PCDH10: variants seen among roughly 807,000 people sequenced by gnomAD.
The protein encoded by PCDH10 is protocadherin-10.
A neutral mutation model predicts 74.4 loss-of-function variants in PCDH10; 15 were observed. The ratio of observed to expected loss-of-function variants is 0.20; its 90% CI spans 0.13 to 0.31. The LOEUF is 0.31. Ranked by LOEUF, PCDH10 falls within the 10% of genes least tolerant of loss-of-function variation. The probability of loss-of-function intolerance (pLI) is 1.00; values close to 1 mark genes in which losing one functional copy is unlikely to be tolerated. For missense variants in PCDH10, 1,260 were observed against 1,390.2 expected, an observed-to-expected ratio of 0.91 and a Z score of 1.49; for synonymous variants, 619 against 589.8, an observed-to-expected ratio of 1.05 and a Z score of -0.72.
chr4:133,165,780 C>T (rs1026225731), intron 4 of PCDH10, among the ~76,000 whole-genome samples: 67 of 151,614 alleles, frequency 4.4e-4, no homozygotes, highest in Middle Eastern at 3.4e-3. Context: ...AAGGAAATGA[C>T]GATATGCTTA....
At chr4:133,195,576 G>A, downstream of PCDH10, among the ~76,000 whole-genome samples, 1 of 151,870 alleles carries the variant, frequency 6.6e-6, no homozygotes, top group East Asian at 1.9e-4. Flanking sequence ...CATATACTGA[G>A]GTCTAACAGT....
chr4:133,172,510 C>T (rs1727222814), intron 4 of PCDH10, among the ~76,000 whole-genome samples: 3 of 151,780 alleles, frequency 2.0e-5, no homozygotes, highest in African/African-American at 7.3e-5. Flanking sequence ...AAAATGAGTA[C>T]ACCTGTATAG....
intron 3 of PCDH10, among the ~76,000 whole-genome samples, chr4:133,161,344 T>G (rs370962697): frequency 1.3e-5 from 2 of 152,216 alleles, no homozygotes; most frequent in South Asian, 2.1e-4. Flanking sequence ...TTTTTAAAAT[T>G]TATGTAATTT....
intron 1 of PCDH10, 68 bp downstream of exon 1, chr4:133,152,839 CT>C: frequency 1.9e-6 from 3 of 1,599,388 alleles, no homozygotes; most frequent in Non-Finnish European, 2.6e-6. Flanking sequence ...TAGCCCGGCC[CT>C]TGTATCTCTG....
rs147051817 is a variant in PCDH10 at position 133,151,666 on chromosome 4, G to A, written c.1526G>A (p.Gly509Asp). The change falls in exon 1 of 5, where the codon GGC becomes GAC. Residue 509 changes from glycine to aspartate, a missense_variant. Physicochemically the swap from Gly to Asp is moderately conservative, Grantham distance 94. Around this residue, in one of 11 missense-constraint regions of PCDH10, gnomAD observed 587 missense variants for 616.9 expected, o/e 0.95. Coordinates refer to ENST00000264360, the MANE Select transcript of PCDH10 (RefSeq NM_032961.3). ...AYSILECQIQ[G>D]MSVFTYVSIN... ...TCTATCCTCGAGTGCCAGATCCAGGGCATGAGCGTCTTCACCTACGTTTCT... is the reference window on the plus strand; with the variant it reads ...TCTATCCTCGAGTGCCAGATCCAGGACATGAGCGTCTTCACCTACGTTTCT... 36 of 1,613,602 alleles carry A rather than the reference G, an allele frequency of 2.2e-5. No individual in the cohort carries two copies. Among genetic ancestry groups the A allele is most frequent in the Non-Finnish European group, 2.8e-5 (33 of 1,180,060 alleles).
chr4:133,205,771 A>T (rs796870155), intron 2 of PCDH10, among the ~76,000 whole-genome samples: 2 of 152,010 alleles, frequency 1.3e-5, no homozygotes, highest in African/African-American at 4.8e-5. Flanking sequence ...TTATTTTATT[A>T]CTACTATTAT....
At chr4:133,174,647 CG>C (rs1048806596) in intron 4 of PCDH10, among the ~76,000 whole-genome samples, 1 of 150,776 alleles carries the variant, frequency 6.6e-6, no homozygotes, top group African/African-American at 2.4e-5. Context: ...TATAAATATA[CG>C]TAATTTTATA....
rs376929118 is a variant in PCDH10 at position 133,154,377 on chromosome 4, T to G, written c.2690+12T>G. ...CGCCGAGTTAACAGGTATGGACTCT[T>G]TTTTTCCCTAGCAGTAATGGACAAT... is the stretch of plus-strand genomic sequence containing the variant. On this transcript the variant is annotated intron_variant, in intron 2 of 4. Transcript: ENST00000264360. 6.4e-6 allele frequency: 10 copies of G among 1,561,978 alleles called. 2 individuals carry two copies. The highest frequency in any genetic ancestry group is 2.3e-5 in the East Asian group (1 of 44,290).
chr4:133,203,350 T>C (rs72717711), intron 2 of PCDH10, among the ~76,000 whole-genome samples: 21,956 of 152,164 alleles, frequency 0.14, 1,722 homozygotes, highest in Non-Finnish European at 0.17. Context: ...ACTCTGCTCA[T>C]AGTTATAAAC....
At position 133,190,920 on chromosome 4, in the gene PCDH10, A is replaced by T. The variant is rs1000830872; in HGVS notation, c.*760A>T. On this transcript the variant is annotated 3_prime_UTR_variant, in exon 5 of 5. Transcript: ENST00000264360. Reference sequence around the variant, plus strand: ...TTAATAGTTTTCTCCCAATTTCCATATCTTACTCAACCGTGTTTTTCCTTG... The same window carrying T: ...TTAATAGTTTTCTCCCAATTTCCATTTCTTACTCAACCGTGTTTTTCCTTG... The T allele has an allele frequency of 2.1e-4, 32 of 152,452 alleles. No individual in the cohort carries two copies. The highest frequency in any genetic ancestry group is 6.7e-4 in the African/African-American group (28 of 41,570). The allele number at this position is 152,452 out of a possible 1,614,324, so 9.4% of individuals were successfully genotyped here.
At position 133,193,825 on chromosome 4, in the gene PCDH10, T is replaced by G. The variant is rs1445760444; in HGVS notation, c.*3665T>G. 2 of 151,782 alleles carry G rather than the reference T, an allele frequency of 1.3e-5. No homozygotes were observed. The highest frequency in any genetic ancestry group is 2.4e-5 in the African/African-American group (1 of 41,432). 9.4% of individuals were successfully genotyped at this position (151,782 alleles called of 1,614,324 possible). The stretch of plus-strand genomic sequence containing the variant: ...ACAAATTCTTGAGTTCTTTATCTTT[T>G]TCAAGTCTAATTTTGTAGTGGTAAA... On this transcript the variant is annotated 3_prime_UTR_variant, in exon 5 of 5. Transcript: ENST00000264360.
At chr4:133,168,287 T>G (rs1031216143) in intron 4 of PCDH10, among the ~76,000 whole-genome samples, 13 of 151,456 alleles carry the variant, frequency 8.6e-5, no homozygotes, top group African/African-American at 3.1e-4. Context: ...TGGTCACTTC[T>G]GTAAGCAATT....
intron 4 of PCDH10, among the ~76,000 whole-genome samples, chr4:133,174,809 C>G (rs1727261274): frequency 6.6e-6 from 1 of 151,142 alleles, no homozygotes; most frequent in South Asian, 2.1e-4. Flanking sequence ...ATAATTATTT[C>G]TCAAGTTATA....
intron 3 of PCDH10, among the ~76,000 whole-genome samples, chr4:133,156,761 T>G (rs2125860928): frequency 6.6e-6 from 1 of 152,322 alleles, no homozygotes; most frequent in East Asian, 1.9e-4. Flanking sequence ...AACATTTCAA[T>G]TAGTTTAGTC....
intron 4 of PCDH10, among the ~76,000 whole-genome samples, chr4:133,175,907 A>C (rs2125868149): frequency 6.6e-6 from 1 of 152,232 alleles, no homozygotes; most frequent in South Asian, 2.1e-4. Context: ...CAATGAGTAA[A>C]CCAACCTTAG....
intron 3 of PCDH10, 21 bp from the exon 4 acceptor site, chr4:133,162,956 G>GTTTCTGT (rs1726999562): frequency 1.3e-6 from 2 of 1,591,598 alleles, no homozygotes; most frequent in Non-Finnish European, 1.7e-6. Flanking sequence ...TACATCCGTA[G>GTTTCTGT]TTTCTGTTTT....
chr4:133,173,380 T>A (rs1560711105), intron 4 of PCDH10, among the ~76,000 whole-genome samples: 3 of 151,978 alleles, frequency 2.0e-5, no homozygotes, highest in African/African-American at 7.2e-5. Context: ...ATCTATATAG[T>A]CCTGTGAGAT....
At chr4:133,167,035 A>G (rs766107833) in intron 4 of PCDH10, among the ~76,000 whole-genome samples, 1 of 151,446 alleles carries the variant, frequency 6.6e-6, no homozygotes, top group Non-Finnish European at 1.5e-5. Context: ...GACTAGTCCA[A>G]GTATACTAAA....
At chr4:133,199,569 C>T (rs1028386213), downstream of PCDH10, among the ~76,000 whole-genome samples, 5 of 149,786 alleles carry the variant, frequency 3.3e-5, no homozygotes, top group South Asian at 2.1e-4. Flanking sequence ...ATGATGATGA[C>T]GGATGTTTTC....
Sources: gnomAD v4.1 joint callset for allele counts (sites outside exome capture counted in the v4.1 genomes callset) on GRCh38, gnomAD v4.1.1 for gene constraint, gnomAD v4.1.1 regional missense constraint, MANE v1.5 for transcripts, NCBI Gene and HGNC (gene_info 2026-07-23, HGNC 2026-07-21) for gene names.